Variants in RNF40 observed in about 807,000 individuals in gnomAD.
RNF40 encodes the protein ring finger protein 40.
A neutral mutation model predicts 123.3 loss-of-function variants in RNF40; 39 were observed. The ratio of observed to expected loss-of-function variants is 0.32; its 90% CI spans 0.24 to 0.41. The LOEUF (loss-of-function observed/expected upper bound fraction) is 0.41, where lower values mean the gene tolerates loss of function less well. Ranked by LOEUF, RNF40 falls within the 10% of genes least tolerant of loss-of-function variation. The probability of loss-of-function intolerance (pLI) is 1.00; values close to 1 mark genes in which losing one functional copy is unlikely to be tolerated. For synonymous variants in RNF40, 538 were observed against 526.0 expected (o/e 1.02, Z -0.31); for missense variants, 1,003 against 1,319.9 (o/e 0.76, Z 3.72).
intron 11 of RNF40, among the ~76,000 whole-genome samples, 199 bp downstream of exon 11, chr16:30,767,075 G>A (rs1226224416): frequency 3.9e-5 from 6 of 152,342 alleles, no homozygotes; most frequent in Admixed American, 1.3e-4. Flanking sequence ...GATGGAGCAG[G>A]CACATGCAGA....
rs958959239 is a variant in RNF40 at position 30,769,203 on chromosome 16, C to G, written c.2265C>G (p.Leu755=). ...TGCTGCAGGAGGAGGAGGCTCTGCT[C>G]TCAGAGATGGATGTGACAGGTCAGG... ...GATKQEEEAL[L]SEMDVTGQAF... The change falls in exon 16 of 20, where the codon CTC becomes CTG. Residue 755 remains leucine, a synonymous_variant. Coordinates refer to ENST00000324685, the MANE Select transcript of RNF40 (RefSeq NM_014771.4). 3 of 1,614,198 alleles carry G rather than the reference C, an allele frequency of 1.9e-6. No homozygotes were observed. Among genetic ancestry groups the G allele is most frequent in the South Asian group, 2.2e-5 (2 of 91,068 alleles).
At chr16:30,769,752 C>T (rs940963287) in intron 17 of RNF40, 152 bp downstream of exon 17, 1 of 846,054 alleles carries the variant, frequency 1.2e-6, no homozygotes, top group Admixed American at 2.9e-5. Flanking sequence ...TGTGCCAGAC[C>T]ACATGCTGAG....
Position 30,768,125 on chromosome 16 carries a change from C to A in RNF40, c.1574C>A (p.Ser525Tyr). ...CAGCTCCGGGCCCAGGCCAGTGGCT[C>A]TGCCCACTCCACCCCCAACCTGGGC... ...IGKLRAQASGSAHSTPNLGHP... is the reference protein window; with the variant it reads ...IGKLRAQASGYAHSTPNLGHP... Residue 525 changes from serine (S) to tyrosine (Y), a missense_variant, in exon 13 of 20, where the codon TCT becomes TAT. Ser to Tyr is a moderately radical substitution (Grantham distance 144). This residue lies in a region of RNF40 where 295 missense variants were observed against 331.7 expected (regional missense o/e 0.89). Coordinates refer to ENST00000324685, the MANE Select transcript of RNF40 (RefSeq NM_014771.4). This position sits in a 1 kb window ranked among gnomAD's most constrained non-coding sequence, Gnocchi z 4.1. 2 of 1,608,232 alleles carry A rather than the reference C, an allele frequency of 1.2e-6. No individual in the cohort carries two copies. The highest frequency in any genetic ancestry group is 2.2e-5 in the East Asian group (1 of 44,816).
chr16:30,771,872 C>G lies in RNF40; in HGVS notation c.2626C>G (p.Gln876Glu), dbSNP rs2054153982. The G allele has an allele frequency of 1.2e-6, 2 of 1,606,958 alleles. No homozygotes were observed. Among genetic ancestry groups the G allele is most frequent in the Non-Finnish European group, 1.7e-6 (2 of 1,175,718 alleles). Residue 876 changes from glutamine (Q) to glutamate (E), a missense_variant, in exon 18 of 20, where the codon CAG (glutamine) becomes GAG (glutamate). Physicochemically the swap from Gln to Glu is conservative, Grantham distance 29. Around this residue, in one of 11 missense-constraint regions of RNF40, gnomAD observed 121 missense variants for 125.3 expected, o/e 0.97. Transcript: ENST00000324685. ...AAQLAEDLKV[Q>E]LEHVQTRLRE... ...CCAGCTGGCCGAGGACCTGAAGGTG[C>G]AGCTGGAGCACGTGCAGACTCGGCT...
At position 30,764,380 on chromosome 16, in the gene RNF40, G is replaced by T; in HGVS notation, c.644G>T (p.Ser215Ile). 1.2e-6 allele frequency: 2 copies of T among 1,612,278 alleles called. No individual in the cohort carries two copies. The highest frequency in any genetic ancestry group is 2.2e-5 in the South Asian group (2 of 90,918). Residue 215 changes from serine (S) to isoleucine (I), a missense_variant, in exon 5 of 20, where the codon AGC (serine) becomes ATC (isoleucine). Transcript: ENST00000324685. The part of the protein sequence containing the change: ...RVEELCQRVY[S>I]RGDSEPLSEA... ...GAGGAACTCTGTCAGCGAGTGTACA[G>T]CCGAGGTGGGTTCTTTGTGCCCATA...
chr16:30,766,648 C>G lies in RNF40; in HGVS notation c.1293+90C>G. 3 of 1,586,830 alleles carry G rather than the reference C, an allele frequency of 1.9e-6. No homozygotes were observed. The highest frequency in any genetic ancestry group is 1.7e-6 in the Non-Finnish European group (2 of 1,164,338). ...TGCCTTCCGAGGCCCTGTGTGCCAG[C>G]CAGGGGTCCCTGGGGAATAGATTCT... On this transcript the variant is annotated intron_variant, in intron 10 of 19. Coordinates refer to ENST00000324685, the MANE Select transcript of RNF40 (RefSeq NM_014771.4). This position sits in a 1 kb window ranked among gnomAD's most constrained non-coding sequence, Gnocchi z 5.4.
rs1203823678 is a variant in RNF40, at chr16:30,774,105, C to T, written c.2997C>T (p.Tyr999=). ...GTGCCCACGACTTCCATCGTATCTA[C>T]ATCAGCTGAACCTGAAACTCAGGGG... ...AFGAHDFHRI[Y]IS is the part of the protein sequence containing the mutation. Residue 999 remains tyrosine, a synonymous_variant, in exon 20 of 20, where the codon TAC becomes TAT. Coordinates refer to ENST00000324685, the MANE Select transcript of RNF40 (RefSeq NM_014771.4). The T allele has an allele frequency of 1.2e-6, 2 of 1,612,544 alleles. No homozygotes were observed. The highest frequency in any genetic ancestry group is 1.1e-5 in the South Asian group (1 of 90,996).
Position 30,766,720 on chromosome 16 carries a change from C to T in RNF40, c.1294-21C>T. 1.2e-6 allele frequency: 2 copies of T among 1,613,682 alleles called. No homozygotes were observed. Among genetic ancestry groups the T allele is most frequent in the Non-Finnish European group, 1.7e-6 (2 of 1,179,918 alleles). ...GGTGGGACCGAGGGGCTGTGTGGGT[C>T]CTTAACACATCAACCCACAGAGCGA... On this transcript the variant is annotated intron_variant, in intron 10 of 19. Coordinates refer to ENST00000324685, the MANE Select transcript of RNF40 (RefSeq NM_014771.4). The surrounding 1 kb of genome is among the most constrained non-coding windows in gnomAD (Gnocchi z 5.4).
intron 17 of RNF40, among the ~76,000 whole-genome samples, chr16:30,771,147 A>G (rs1483839374): frequency 6.6e-6 from 1 of 152,216 alleles, no homozygotes; most frequent in Non-Finnish European, 1.5e-5. Context: ...GCAGGCCAGT[A>G]ATCCCCCAAA....
intron 8 of RNF40, 122 bp downstream of exon 8, chr16:30,765,621 C>CT: frequency 4.8e-6 from 4 of 841,724 alleles, no homozygotes; most frequent in East Asian, 2.7e-5. Context: ...TCCTGCTGCT[C>CT]TTTTTTTCAT....
Position 30,765,447 on chromosome 16 carries a change from C to T in RNF40, c.941C>T (p.Ser314Phe), listed in dbSNP as rs1235021681. The T allele has an allele frequency of 6.2e-7, 1 of 1,614,218 alleles. No individual in the cohort carries two copies. The highest frequency in any genetic ancestry group is 8.5e-7 in the Non-Finnish European group (1 of 1,180,050). ...CAGCTTAACTCTGGCTACTATGTAT[C>T]TGGGAGCTCCTCAGGCTTCCAGGGG... is the stretch of plus-strand genomic sequence containing the variant. The part of the protein sequence containing the change: ...LEQLNSGYYV[S>F]GSSSGFQGGQ... The change falls in exon 8 of 20, where the codon TCT becomes TTT. Residue 314 changes from serine to phenylalanine, a missense_variant. Ser to Phe is a radical substitution (Grantham distance 155, BLOSUM62 -2). Coordinates refer to ENST00000324685, the MANE Select transcript of RNF40 (RefSeq NM_014771.4).
rs772171459 is a variant in RNF40 at position 30,766,118 on chromosome 16, C to T, written c.994-45C>T. On this transcript the variant is annotated intron_variant, in intron 8 of 19. Coordinates refer to ENST00000324685, the MANE Select transcript of RNF40 (RefSeq NM_014771.4). This position sits in a 1 kb window ranked among gnomAD's most constrained non-coding sequence, Gnocchi z 5.4. ...CTGGGGATGTAAGGGAGGCCTGCTGCCACGTCTGGCCCTGCCTCCCATGGC... is the reference window on the plus strand; with the variant it reads ...CTGGGGATGTAAGGGAGGCCTGCTGTCACGTCTGGCCCTGCCTCCCATGGC... 3 of 1,612,454 alleles carry T rather than the reference C, an allele frequency of 1.9e-6. No individual in the cohort carries two copies. Among genetic ancestry groups the T allele is most frequent in the Admixed American group, 1.7e-5 (1 of 59,988 alleles).
chr16:30,773,128 G>A (rs1329884169), intron 19 of RNF40, among the ~76,000 whole-genome samples: 1 of 152,178 alleles, frequency 6.6e-6, no homozygotes, highest in Non-Finnish European at 1.5e-5. Context: ...CTGGGAAGGT[G>A]CTCAAGGCAA....
At chr16:30,761,725 G>A, upstream of RNF40, 2 of 1,528,756 alleles carry the variant, frequency 1.3e-6, no homozygotes, top group Non-Finnish European at 1.8e-6. Flanking sequence ...TTCCCAAAAA[G>A]TGGCTGGTCT....
At chr16:30,762,287 GCA>G (rs2053859426), upstream of RNF40, 3 of 475,808 alleles carry the variant, frequency 6.3e-6, no homozygotes, top group African/African-American at 2.0e-5. Context: ...TGGGGGGGGG[GCA>G]GTGGCGTCCA....
chr16:30,766,652 G>A lies in RNF40; in HGVS notation c.1294-89G>A, dbSNP rs969851043. On this transcript the variant is annotated intron_variant, in intron 10 of 19. Coordinates refer to ENST00000324685, the MANE Select transcript of RNF40 (RefSeq NM_014771.4). The surrounding 1 kb of genome is among the most constrained non-coding windows in gnomAD (Gnocchi z 5.4). ...TTCCGAGGCCCTGTGTGCCAGCCAGGGGTCCCTGGGGAATAGATTCTTCCT... is the reference window on the plus strand; with the variant it reads ...TTCCGAGGCCCTGTGTGCCAGCCAGAGGTCCCTGGGGAATAGATTCTTCCT... 2.5e-6 allele frequency: 4 copies of A among 1,588,754 alleles called. No individual in the cohort carries two copies. The highest frequency in any genetic ancestry group is 3.4e-5 in the Admixed American group (2 of 58,266).
chr16:30,762,797 C>T, intron 2 of RNF40, 120 bp downstream of exon 2: 1 of 1,306,030 alleles, frequency 7.7e-7, no homozygotes. Flanking sequence ...CGTTACAGGA[C>T]CTTGAAAGAA....
At chr16:30,764,870 T>G in intron 5 of RNF40, 68 bp from the exon 6 acceptor site, 1 of 1,563,132 alleles carries the variant, frequency 6.4e-7, no homozygotes, top group Non-Finnish European at 8.6e-7. Context: ...TATAGCAGAC[T>G]CCAGAATGAG....
chr16:30,762,877 G>T (rs2053902800), intron 2 of RNF40, among the ~76,000 whole-genome samples, 200 bp downstream of exon 2: 1 of 152,216 alleles, frequency 6.6e-6, no homozygotes, highest in East Asian at 1.9e-4. Flanking sequence ...TTTCCAGGGG[G>T]CGTGTGACTT....
Sources: allele counts gnomAD v4.1 joint callset (sites outside exome capture counted in the v4.1 genomes callset), GRCh38; gene constraint gnomAD v4.1.1; regional missense constraint gnomAD v4.1.1; non-coding constraint Gnocchi (gnomAD v3.1); transcripts MANE v1.5; gene names NCBI Gene and HGNC (gene_info 2026-07-23, HGNC 2026-07-21).